The following PLAG1 variants were observed in gnomAD, a reference collection of about 807,000 sequenced individuals.
The protein encoded by PLAG1 is PLAG1 zinc finger.
In PLAG1, 7 loss-of-function variants were observed where a neutral mutation model predicts 35.5. The ratio of observed to expected loss-of-function variants is 0.20; its 90% confidence interval spans 0.11 to 0.37. PLAG1 has a LOEUF of 0.37. Ranked by LOEUF, PLAG1 falls within the 10% of genes least tolerant of loss-of-function variation. The pLI, the probability that PLAG1 is intolerant of heterozygous loss-of-function variation, is 1.00. For missense variants in PLAG1, 454 were observed against 602.8 expected (o/e 0.75, Z 2.58); for synonymous variants, 229 against 225.4 (o/e 1.02, Z -0.14).
At chr8:56,191,224 G>A (rs539785021) in intron 1 of PLAG1, among the ~76,000 whole-genome samples, 60 of 152,302 alleles carry the variant, frequency 3.9e-4, no homozygotes, top group African/African-American at 1.4e-3. Context: ...GGAAGATGAA[G>A]TAGAGAGCAG....
At chr8:56,174,390 C>T (rs1243611248) in intron 2 of PLAG1, among the ~76,000 whole-genome samples, 1 of 152,140 alleles carries the variant, frequency 6.6e-6, no homozygotes, top group Non-Finnish European at 1.5e-5. Context: ...TAAGAAATAA[C>T]TTCGGTGTTT....
intron 1 of PLAG1, among the ~76,000 whole-genome samples, chr8:56,200,568 C>T (rs1370439208): frequency 6.6e-6 from 1 of 152,208 alleles, no homozygotes; most frequent in Non-Finnish European, 1.5e-5. Flanking sequence ...CCTTCCGCAG[C>T]ACATAGTGCA....
At chr8:56,209,604 C>G (rs939685554) in intron 1 of PLAG1, 3 of 152,260 alleles carry the variant, frequency 2.0e-5, no homozygotes, top group African/African-American at 7.2e-5. Flanking sequence ...CAATGTGATG[C>G]AAGAGACATC....
intron 2 of PLAG1, among the ~76,000 whole-genome samples, chr8:56,174,190 T>A (rs1444668679): frequency 3.9e-5 from 6 of 152,188 alleles, no homozygotes; most frequent in Non-Finnish European, 7.4e-5. Context: ...AAAATTTCCT[T>A]AAAACAGGTT....
chr8:56,192,425 C>A (rs1369735562), intron 1 of PLAG1, among the ~76,000 whole-genome samples: 2 of 152,188 alleles, frequency 1.3e-5, no homozygotes, highest in Admixed American at 1.3e-4. Flanking sequence ...CATTCATTCT[C>A]AAGTGGTATA....
Position 56,164,123 on chromosome 8 carries a change from C to T in PLAG1, c.*2120G>A, listed in dbSNP as rs1240274652. Reference sequence around the variant, plus strand: ...GTTTGAAAAATTTAAAAATGTACTTCCTTATTAACATATATAATTTTAATG... The same window carrying T: ...GTTTGAAAAATTTAAAAATGTACTTTCTTATTAACATATATAATTTTAATG... On this transcript the variant is annotated 3_prime_UTR_variant, in exon 5 of 5. Transcript: ENST00000316981. 1 of 187,024 alleles carries T rather than the reference C, an allele frequency of 5.3e-6. No individual in the cohort carries two copies. Among genetic ancestry groups the T allele is most frequent in the Non-Finnish European group, 1.1e-5 (1 of 88,356 alleles). The allele number at this position is 187,024 out of a possible 1,614,324, so 11.6% of individuals were successfully genotyped here.
intron 1 of PLAG1, among the ~76,000 whole-genome samples, chr8:56,202,189 G>A (rs1036740240): frequency 2.0e-5 from 3 of 152,146 alleles, no homozygotes; most frequent in African/African-American, 7.2e-5. Flanking sequence ...CTTAGCAGTT[G>A]AAGACCACAC....
chr8:56,199,421 T>C (rs956401281), intron 1 of PLAG1, among the ~76,000 whole-genome samples: 3 of 151,332 alleles, frequency 2.0e-5, no homozygotes, highest in African/African-American at 4.9e-5. Context: ...TAAGGGGAGA[T>C]GAAAGAAACA....
At position 56,162,283 on chromosome 8, in the gene PLAG1, G is replaced by A. The variant is rs982012919; in HGVS notation, c.*3960C>T. ...CTCCAATGTCACATGGATCTCAGTA[G>A]GCTAGAAGCAACTTGGGTGAACTGG... On this transcript the variant is annotated 3_prime_UTR_variant, in exon 5 of 5. Coordinates refer to ENST00000316981, the MANE Select transcript of PLAG1 (RefSeq NM_002655.3). The A allele has an allele frequency of 2.5e-4, 57 of 228,676 alleles. No homozygotes were observed. The highest frequency in any genetic ancestry group is 1.3e-3 in the African/African-American group (57 of 45,092). The allele number at this position is 228,676 out of a possible 1,614,324, so 14.2% of individuals were successfully genotyped here. A position where few individuals can be genotyped will look rare whatever the true frequency, so the allele number is the denominator to read the frequency against.
chr8:56,209,050 T>C (rs567957131), intron 1 of PLAG1, among the ~76,000 whole-genome samples: 1 of 152,322 alleles, frequency 6.6e-6, no homozygotes, highest in Non-Finnish European at 1.5e-5. Flanking sequence ...ACTCTGTAAT[T>C]TTCAACCAGA....
intron 1 of PLAG1, among the ~76,000 whole-genome samples, chr8:56,197,786 T>A (rs1812427285): frequency 6.6e-6 from 1 of 152,168 alleles, no homozygotes; most frequent in Admixed American, 6.5e-5. Context: ...GCCACCCCCA[T>A]GGTAACAGGG....
intron 3 of PLAG1, among the ~76,000 whole-genome samples, chr8:56,168,876 C>A (rs1211027417): frequency 6.6e-6 from 1 of 152,116 alleles, no homozygotes; most frequent in Non-Finnish European, 1.5e-5. Flanking sequence ...ACCTTGTGAA[C>A]CATTGAGTCT....
At chr8:56,203,127 A>C (rs1812602669) in intron 1 of PLAG1, among the ~76,000 whole-genome samples, 1 of 152,264 alleles carries the variant, frequency 6.6e-6, no homozygotes, top group Non-Finnish European at 1.5e-5. Context: ...TTTGAAAAAA[A>C]ACTAATAAAT....
chr8:56,184,882 G>C (rs1457776739), intron 1 of PLAG1, among the ~76,000 whole-genome samples: 1 of 152,158 alleles, frequency 6.6e-6, no homozygotes, highest in Middle Eastern at 3.2e-3. Context: ...GAGAGTCGGA[G>C]GTTGCAGTGA....
At chr8:56,176,893 G>A (rs1045063841) in intron 2 of PLAG1, among the ~76,000 whole-genome samples, 2 of 152,090 alleles carry the variant, frequency 1.3e-5, no homozygotes, top group East Asian at 1.9e-4. Flanking sequence ...TAGAGAACAT[G>A]CCTCCATTCA....
rs934913936 is a variant in PLAG1, at chr8:56,162,639, A to G, written c.*3604T>C. 2 of 210,184 alleles carry G rather than the reference A, an allele frequency of 9.5e-6. No individual in the cohort carries two copies. The highest frequency in any genetic ancestry group is 1.9e-5 in the Non-Finnish European group (2 of 103,236). 13.0% of individuals were successfully genotyped at this position (210,184 alleles called of 1,614,324 possible). ...TGCTATATCTTGTAATATGTGTAGT[A>G]TAGAGGTTGACCAAGCTCTATTTTT... On this transcript the variant is annotated 3_prime_UTR_variant, in exon 5 of 5. Coordinates refer to ENST00000316981, the MANE Select transcript of PLAG1 (RefSeq NM_002655.3).
intron 2 of PLAG1, among the ~76,000 whole-genome samples, chr8:56,172,305 G>C (rs1435796430): frequency 2.0e-5 from 3 of 152,060 alleles, no homozygotes; most frequent in African/African-American, 7.2e-5. Flanking sequence ...TTTTTTTATA[G>C]TTTAAAAGAC....
rs1256551897 is a variant in PLAG1 at position 56,162,964 on chromosome 8, T to C, written c.*3279A>G. On this transcript the variant is annotated 3_prime_UTR_variant, in exon 5 of 5. Transcript: ENST00000316981. ...AGTGATGCATAATCAGCCAGGACAA[T>C]TGAAGTTTTAAAAAACTGAACTTGG... The C allele has an allele frequency of 1.4e-5, 3 of 212,818 alleles. No homozygotes were observed. Among genetic ancestry groups the C allele is most frequent in the Non-Finnish European group, 2.9e-5 (3 of 104,976 alleles). 13.2% of individuals were successfully genotyped at this position (212,818 alleles called of 1,614,324 possible).
intron 1 of PLAG1, among the ~76,000 whole-genome samples, chr8:56,186,312 G>A (rs961716470): frequency 2.6e-5 from 4 of 152,122 alleles, no homozygotes; most frequent in African/African-American, 7.2e-5. Context: ...GTTGGTCTCC[G>A]AAACAATTAA....
Sources: allele counts gnomAD v4.1 joint callset (sites outside exome capture counted in the v4.1 genomes callset), GRCh38; gene constraint gnomAD v4.1.1; transcripts MANE v1.5; gene names NCBI Gene and HGNC (gene_info 2026-07-23, HGNC 2026-07-21).